Variants in LDB3 observed in about 807,000 individuals in gnomAD.
The protein encoded by LDB3 is LIM domain binding 3.
A neutral mutation model predicts 69.0 loss-of-function variants in LDB3; 49 were observed. The observed-to-expected ratio is 0.71, with a 90% confidence interval of 0.56 to 0.90. The LOEUF (loss-of-function observed/expected upper bound fraction) is 0.90, where lower values mean the gene tolerates loss of function less well. Ranked by LOEUF, LDB3 falls within the 40% of genes least tolerant of loss-of-function variation. The probability of loss-of-function intolerance (pLI) is 0.00; values close to 1 mark genes in which losing one functional copy is unlikely to be tolerated. For synonymous variants in LDB3, 387 were observed against 396.2 expected (o/e 0.98, Z 0.28); for missense variants, 928 against 974.1 (o/e 0.95, Z 0.63).
In LDB3 at chr10:86,692,433, G is replaced by A. The variant is rs45471403; in HGVS notation, c.860-102G>A. ...ACAGGCAAGGGGGCAGTCACCGTGT[G>A]GGGCCTGGCTGAATCCTGGGGACTC... On this transcript the variant is annotated intron_variant, in intron 6 of 13. Transcript: ENST00000361373. The A allele has an allele frequency of 2.6e-3, 3,072 of 1,190,954 alleles. 16 individuals carry two copies. The highest frequency in any genetic ancestry group is 3.4e-3 in the Middle Eastern group (18 of 5,248). The allele number at this position is 1,190,954 out of a possible 1,614,324, so 73.8% of individuals were successfully genotyped here.
intron 9 of LDB3, among the ~76,000 whole-genome samples, chr10:86,710,641 A>T (rs779026819): frequency 1.3e-5 from 2 of 152,360 alleles, no homozygotes. Flanking sequence ...AGAACAGCAC[A>T]TAAGGAGCCT....
rs1359287110 is a variant in LDB3 at position 86,733,669 on chromosome 10, T to C, written c.*693T>C. ...GCAGACAGCTGAGAAAAGATGGCCCTGTCAGCCACCCTCTCTCAGTCTGAA... is the reference window on the plus strand; with the variant it reads ...GCAGACAGCTGAGAAAAGATGGCCCCGTCAGCCACCCTCTCTCAGTCTGAA... On this transcript the variant is annotated 3_prime_UTR_variant, in exon 14 of 14. Transcript: ENST00000361373. The C allele has an allele frequency of 1.3e-5, 2 of 152,328 alleles. No homozygotes were observed. The highest frequency in any genetic ancestry group is 2.4e-5 in the African/African-American group (1 of 41,466). The allele number at this position is 152,328 out of a possible 1,614,324, so 9.4% of individuals were successfully genotyped here. A position where few individuals can be genotyped will look rare whatever the true frequency, so the allele number is the denominator to read the frequency against.
intron 8 of LDB3, among the ~76,000 whole-genome samples, chr10:86,706,931 G>GC (rs781732510): frequency 5.9e-5 from 9 of 152,240 alleles, no homozygotes; most frequent in East Asian, 1.9e-4. Context: ...CTGTCACTCT[G>GC]CCCCCCAGGG....
At chr10:86,710,490 T>C (rs976809754) in intron 9 of LDB3, among the ~76,000 whole-genome samples, 2 of 152,142 alleles carry the variant, frequency 1.3e-5, no homozygotes, top group African/African-American at 4.8e-5. Context: ...CTCGGGAGGC[T>C]GAGGCAGGAG....
intron 9 of LDB3, among the ~76,000 whole-genome samples, chr10:86,712,119 C>A (rs539793135): frequency 1.3e-5 from 2 of 152,046 alleles, no homozygotes; most frequent in Non-Finnish European, 2.9e-5. Context: ...TGCTCGCCCC[C>A]CGACGGAGTC....
intron 5 of LDB3, among the ~76,000 whole-genome samples, chr10:86,684,267 A>G (rs4934247): frequency 0.055 from 8,388 of 152,248 alleles, 341 homozygotes; most frequent in Non-Finnish European, 0.078. Flanking sequence ...CTTCCCCAAG[A>G]CCCAGGCACT....
chr10:86,671,981 A>G (rs10887641), intron 2 of LDB3, among the ~76,000 whole-genome samples: 89,717 of 151,988 alleles, frequency 0.59, 27,187 homozygotes, highest in East Asian at 0.77. Flanking sequence ...GTGTGGTGGT[A>G]CATGCTTGTG....
rs1402493464 is a variant in LDB3, at chr10:86,718,161, C to T, written c.1857+17C>T. On this transcript the variant is annotated intron_variant, in intron 11 of 13. Transcript: ENST00000361373. ...ATTATGGGGGTAAGTGGGAGGCCTC[C>T]ATTTCCTCTGACCCATGTCTCTTCC... The T allele has an allele frequency of 6.2e-7, 1 of 1,612,142 alleles. No homozygotes were observed. Among genetic ancestry groups the T allele is most frequent in the Admixed American group, 1.7e-5 (1 of 60,024 alleles).
chr10:86,704,669 T>C (rs1846380239), intron 7 of LDB3, among the ~76,000 whole-genome samples: 1 of 148,524 alleles, frequency 6.7e-6, no homozygotes, highest in African/African-American at 2.5e-5. Context: ...AAGCTCCACC[T>C]CCTGGGTTCA....
intron 6 of LDB3, 110 bp from the exon 7 acceptor site, chr10:86,692,425 C>T: frequency 9.0e-7 from 1 of 1,111,578 alleles, no homozygotes; most frequent in Non-Finnish European, 1.4e-6. Flanking sequence ...AGGGGGCAGT[C>T]ACCGTGTGGG....
upstream of LDB3, among the ~76,000 whole-genome samples, chr10:86,667,204 T>C (rs866275122): frequency 2.6e-5 from 4 of 152,284 alleles, no homozygotes; most frequent in South Asian, 8.3e-4. Flanking sequence ...TGGGTGATCC[T>C]ACCTTGTACC....
chr10:86,713,408 C>T (rs888021419), intron 9 of LDB3, among the ~76,000 whole-genome samples: 7 of 151,996 alleles, frequency 4.6e-5, no homozygotes, highest in Admixed American at 2.0e-4. Context: ...CCACCATGCC[C>T]GGCTACTAGA....
At chr10:86,675,832 C>A (rs980788949) in intron 2 of LDB3, among the ~76,000 whole-genome samples, 1 of 152,186 alleles carries the variant, frequency 6.6e-6, no homozygotes, top group Admixed American at 6.5e-5. Context: ...GCCTAGAAAT[C>A]TGCAAAAATG....
At chr10:86,667,495 C>T (rs533337772), upstream of LDB3, among the ~76,000 whole-genome samples, 1 of 152,354 alleles carries the variant, frequency 6.6e-6, no homozygotes, top group African/African-American at 2.4e-5. Context: ...CCATCCAGAA[C>T]ACACTGTCTC....
chr10:86,713,224 C>T (rs979138278), intron 9 of LDB3, among the ~76,000 whole-genome samples: 2 of 152,038 alleles, frequency 1.3e-5, no homozygotes, highest in Admixed American at 6.6e-5. Context: ...TATTGGACAC[C>T]GCAGGATTAG....
intron 2 of LDB3, among the ~76,000 whole-genome samples, chr10:86,676,798 T>C (rs551337469): frequency 6.6e-6 from 1 of 152,336 alleles, no homozygotes; most frequent in Non-Finnish European, 1.5e-5. Flanking sequence ...GACTGGTGAC[T>C]GCAGGGCATC....
intron 5 of LDB3, chr10:86,685,533 C>A (rs1564638023): frequency 2.5e-6 from 2 of 809,018 alleles, no homozygotes; most frequent in African/African-American, 1.7e-5. Context: ...GTTCTCCCTC[C>A]TCACTCCTTG....
At position 86,699,349 on chromosome 10, in the gene LDB3, C is replaced by A. The variant is rs771979856; in HGVS notation, c.896+6778C>A. Reference sequence around the variant, plus strand: ...CGCAACTGGCACCATGGCCTTTCAGCCCAAATCCTTAATGTTAAAAGCTAA... The same window carrying A: ...CGCAACTGGCACCATGGCCTTTCAGACCAAATCCTTAATGTTAAAAGCTAA... On this transcript the variant is annotated intron_variant, in intron 7 of 13. Transcript: ENST00000361373. This position sits in a 1 kb window ranked among gnomAD's most constrained non-coding sequence, Gnocchi z 4.9. The A allele has an allele frequency of 6.2e-7, 1 of 1,613,878 alleles. No homozygotes were observed. The highest frequency in any genetic ancestry group is 1.3e-5 in the African/African-American group (1 of 74,898).
Position 86,681,428 on chromosome 10 carries a change from T to C in LDB3, c.322-8T>C, listed in dbSNP as rs1346147675. 1.2e-5 allele frequency: 20 copies of C among 1,600,708 alleles called. No homozygotes were observed. Among genetic ancestry groups the C allele is most frequent in the Middle Eastern group, 1.8e-4 (1 of 5,428 alleles). ...TCTCTCTCCCCTGCATGGCCTGCCC[T>C]GTGCCAGGACCCCGCTCTGGACACG... is the stretch of plus-strand genomic sequence containing the variant. On this transcript the variant is annotated splice_polypyrimidine_tract_variant and splice_region_variant and intron_variant, in intron 4 of 13. Coordinates refer to ENST00000361373, the MANE Select transcript of LDB3 (RefSeq NM_007078.3).
Sources: gnomAD v4.1 joint callset for allele counts (sites outside exome capture counted in the v4.1 genomes callset) on GRCh38, gnomAD v4.1.1 for gene constraint, Gnocchi (gnomAD v3.1) non-coding constraint, MANE v1.5 for transcripts, NCBI Gene and HGNC (gene_info 2026-07-23, HGNC 2026-07-21) for gene names.